CDCA5: variants seen among roughly 807,000 people sequenced by gnomAD.
CDCA5 encodes cell division cycle associated 5.
A neutral mutation model predicts 25.7 loss-of-function variants in CDCA5; 14 were observed. The ratio of observed to expected loss-of-function variants is 0.54; its 90% CI spans 0.36 to 0.85. The LOEUF (loss-of-function observed/expected upper bound fraction) is 0.85, where lower values mean the gene tolerates loss of function less well. CDCA5 is among the 40% of genes least tolerant of loss of function. The pLI is 0.01. For synonymous variants in CDCA5, 127 were observed against 128.7 expected, an observed-to-expected ratio of 0.99 and a Z score of 0.09; for missense variants, 307 against 324.5, an observed-to-expected ratio of 0.95 and a Z score of 0.41.
downstream of CDCA5, among the ~76,000 whole-genome samples, chr11:65,065,159 T>A (rs1947221160): frequency 6.6e-6 from 1 of 152,156 alleles, no homozygotes; most frequent in Non-Finnish European, 1.5e-5. Context: ...TCTTTTACCA[T>A]CCATTAGACC....
chr11:65,079,057 AT>A lies in CDCA5; in HGVS notation c.*49del. On this transcript the variant is annotated 3_prime_UTR_variant, in exon 6 of 6. Coordinates refer to ENST00000275517, the MANE Select transcript of CDCA5 (RefSeq NM_080668.4). ...GTGTCCTCTCCACAGGGAGGTGGCT[AT>A]GTACAGGACAGGAGGGAGAGTCTGG... The A allele has an allele frequency of 1.4e-6, 2 of 1,478,144 alleles. No homozygotes were observed. The highest frequency in any genetic ancestry group is 1.8e-6 in the Non-Finnish European group (2 of 1,115,040). 91.6% of individuals were successfully genotyped at this position (1,478,144 alleles called of 1,614,324 possible).
At position 65,068,000 on chromosome 11, in the gene CDCA5, C is replaced by T. The variant is rs766001636; in HGVS notation, c.269+27G>A. Reference sequence around the variant, plus strand: ...ATGTGCCTGCATGGGCACTCTCTCTCTCTCTCTCTCTCTCATGCAGCCTTA... The same window carrying T: ...ATGTGCCTGCATGGGCACTCTCTCTTTCTCTCTCTCTCTCATGCAGCCTTA... On this transcript the variant is annotated intron_variant, in intron 3 of 6. Coordinates refer to the CDCA5 transcript ENST00000525464. The T allele has an allele frequency of 3.1e-5, 40 of 1,275,946 alleles. 2 individuals carry two copies. Among genetic ancestry groups the T allele is most frequent in the African/African-American group, 2.7e-4 (18 of 65,696 alleles). 79.0% of individuals were successfully genotyped at this position (1,275,946 alleles called of 1,614,324 possible).
At chr11:65,072,984 C>T (rs2137090250), downstream of CDCA5, among the ~76,000 whole-genome samples, 1 of 140,914 alleles carries the variant, frequency 7.1e-6, no homozygotes, top group South Asian at 2.3e-4. Flanking sequence ...CTCTCTTTCA[C>T]CCAGGCTGGA....
At chr11:65,075,062 CAAAAAAAAAAAA>C (rs56076033), downstream of CDCA5, among the ~76,000 whole-genome samples, 3 of 66,194 alleles carry the variant, frequency 4.5e-5, no homozygotes, top group African/African-American at 1.8e-4. Context: ...AACTCCGTCT[CAAAAAAAAAAAA>C]AAAAAAAAGG....
exon 6 of CDCA5, chr11:65,066,630 T>G: frequency 7.8e-7 from 1 of 1,289,256 alleles, no homozygotes; most frequent in South Asian, 1.2e-5. Flanking sequence ...CTGGGCCTCC[T>G]CCTGGATGGC....
downstream of CDCA5, among the ~76,000 whole-genome samples, chr11:65,065,965 C>T (rs1177802151): frequency 2.0e-5 from 3 of 152,146 alleles, no homozygotes; most frequent in Admixed American, 1.3e-4. Context: ...CCCCCGCCTA[C>T]ACCCCAGTAT....
chr11:65,063,139 G>C (rs965498954), downstream of CDCA5, among the ~76,000 whole-genome samples: 1 of 152,174 alleles, frequency 6.6e-6, no homozygotes, highest in South Asian at 2.1e-4. Context: ...ATCCCCTCTG[G>C]GTAAGCCCCA....
downstream of CDCA5, among the ~76,000 whole-genome samples, chr11:65,074,361 C>CCG: frequency 6.6e-6 from 1 of 152,206 alleles, no homozygotes; most frequent in East Asian, 1.9e-4. Flanking sequence ...GTGTGAGCCA[C>CCG]CGCGCCTGGC....
downstream of CDCA5, chr11:65,066,187 G>A (rs994166732): frequency 1.3e-5 from 4 of 301,452 alleles, no homozygotes; most frequent in East Asian, 1.2e-4. Context: ...GGTGAGCTGA[G>A]GGAGTGGGGG....
At chr11:65,083,440 A>C in intron 3 of CDCA5, 41 bp from the exon 4 acceptor site, 1 of 1,614,200 alleles carries the variant, frequency 6.2e-7, no homozygotes, top group Non-Finnish European at 8.5e-7. Flanking sequence ...GCTGGTCCCC[A>C]GTTTTGCCCG....
At chr11:65,081,464 G>C (rs2137140438) in intron 4 of CDCA5, among the ~76,000 whole-genome samples, 1 of 151,678 alleles carries the variant, frequency 6.6e-6, no homozygotes, top group East Asian at 1.9e-4. Context: ...ACAAATTGGT[G>C]GTCACTGCTG....
intron 4 of CDCA5, among the ~76,000 whole-genome samples, chr11:65,080,420 T>C (rs1409776011): frequency 1.3e-5 from 2 of 152,098 alleles, no homozygotes; most frequent in Non-Finnish European, 2.9e-5. Flanking sequence ...ACGTTTTTTG[T>C]TTTGTTTCCA....
At position 65,079,464 on chromosome 11, in the gene CDCA5, G is replaced by C. The variant is rs749852700; in HGVS notation, c.567C>G (p.Thr189=). Residue 189 remains threonine (T), a synonymous_variant, in exon 5 of 6, where the codon ACC becomes ACG. Transcript: ENST00000275517. The stretch of plus-strand genomic sequence containing the variant: ...GCTTTGCACAAACCCTGGGGACCTC[G>C]GTGAGTTTGGAGCACACCACTGGCG... ...GVSPVVCSKL[T]EVPRVCAKPW... is the part of the protein sequence containing the mutation. 4 of 1,613,968 alleles carry C rather than the reference G, an allele frequency of 2.5e-6. No individual in the cohort carries two copies. Among genetic ancestry groups the C allele is most frequent in the African/African-American group, 2.7e-5 (2 of 74,886 alleles).
chr11:65,061,972 G>A (rs1265341669), downstream of CDCA5, among the ~76,000 whole-genome samples: 1 of 135,466 alleles, frequency 7.4e-6, no homozygotes, highest in African/African-American at 2.8e-5. Flanking sequence ...CCAGGCTGGA[G>A]TGCAATGGCG....
intron 4 of CDCA5, among the ~76,000 whole-genome samples, chr11:65,081,459 T>C (rs1947564967): frequency 6.6e-6 from 1 of 151,090 alleles, no homozygotes; most frequent in South Asian, 2.1e-4. Flanking sequence ...GCTGAACAAA[T>C]TGGTGGTCAC....
chr11:65,079,539 G>C lies in CDCA5; in HGVS notation c.492C>G (p.Ser164=). The change falls in exon 5 of 6, where the codon TCC becomes TCG. Residue 164 remains serine, a synonymous_variant. Coordinates refer to ENST00000275517, the MANE Select transcript of CDCA5 (RefSeq NM_080668.4). ...SASTSTPGRR[S]CFGFEGLLGA... ...CCAGCAGCCCCTCGAAGCCAAAGCAGGACCGGCGGCCTGGGGTGGAGGTAG... is the reference window on the plus strand; with the variant it reads ...CCAGCAGCCCCTCGAAGCCAAAGCACGACCGGCGGCCTGGGGTGGAGGTAG... The C allele has an allele frequency of 6.2e-7, 1 of 1,614,178 alleles. No individual in the cohort carries two copies. The highest frequency in any genetic ancestry group is 1.1e-5 in the South Asian group (1 of 91,084).
In CDCA5 at chr11:65,083,390, C is replaced by A. The variant is rs757998694; in HGVS notation, c.217G>T (p.Val73Phe). Residue 73 changes from valine to phenylalanine, a missense_variant, in exon 4 of 6, where the codon GTC becomes TTC. Physicochemically the swap from Val to Phe is conservative, Grantham distance 50. Transcript: ENST00000275517. ...CTAGGGCTCCTGCGAGGTGATTGGA[C>A]AGCTGGGACCTGCGGGGGACAATAC... ...IVAHAVEVPAVQSPRRSPRIS... is the reference protein window; with the variant it reads ...IVAHAVEVPAFQSPRRSPRIS... 8.9e-5 allele frequency: 144 copies of A among 1,614,212 alleles called. 1 individual carries two copies. The South Asian group carries it at 1.4e-3, about 16-fold the overall frequency.
intron 4 of CDCA5, among the ~76,000 whole-genome samples, chr11:65,082,537 A>G (rs1169865956): frequency 1.5e-5 from 2 of 129,548 alleles, no homozygotes; most frequent in African/African-American, 6.1e-5. Context: ...ATCTCGGCCC[A>G]CTGCAACCTC....
chr11:65,062,527 C>A (rs2137050262), downstream of CDCA5, among the ~76,000 whole-genome samples: 2 of 152,320 alleles, frequency 1.3e-5, 1 homozygote, highest in South Asian at 4.1e-4. Context: ...GCAGCTCCCG[C>A]TCCCTAGAAC....
Sources: allele counts gnomAD v4.1 joint callset (sites outside exome capture counted in the v4.1 genomes callset), GRCh38; gene constraint gnomAD v4.1.1; transcripts MANE v1.5; gene names NCBI Gene and HGNC (gene_info 2026-07-23, HGNC 2026-07-21).